Variants in NTN1 observed in about 807,000 individuals in gnomAD.
NTN1 encodes the protein netrin-1.
NTN1 carries 11 observed loss-of-function variants against 54.2 expected under a neutral mutation model. That is an observed-to-expected ratio of 0.20 (90% confidence interval 0.13 to 0.34). NTN1 has a LOEUF of 0.34. Among genes scored for constraint, NTN1 ranks in the 10% least tolerant of loss-of-function variants. The pLI is 1.00. For missense variants in NTN1, 740 were observed against 893.1 expected (o/e 0.83, Z 2.18); for synonymous variants, 371 against 382.0 (o/e 0.97, Z 0.33).
chr17:9,183,485 A>G (rs962404475), intron 5 of NTN1: 15 of 379,898 alleles, frequency 3.9e-5, no homozygotes, highest in African/African-American at 1.9e-4. Flanking sequence ...AGACCGCAGC[A>G]TGCGGCCAAG....
intron 2 of NTN1, among the ~76,000 whole-genome samples, chr17:9,159,570 G>A (rs2092351766): frequency 6.6e-6 from 1 of 152,110 alleles, no homozygotes; most frequent in Admixed American, 6.6e-5. Context: ...GGGAGACCGA[G>A]GTGGGTGGAT....
intron 2 of NTN1, among the ~76,000 whole-genome samples, chr17:9,105,374 G>A (rs1192070091): frequency 1.3e-5 from 2 of 151,778 alleles, no homozygotes; most frequent in Non-Finnish European, 2.9e-5. Context: ...CTGGAGCCTG[G>A]TGTGTGTGTG....
chr17:9,076,144 A>G (rs957505504), intron 2 of NTN1, among the ~76,000 whole-genome samples: 3 of 152,098 alleles, frequency 2.0e-5, no homozygotes, highest in Non-Finnish European at 2.9e-5. Flanking sequence ...GCACAACCCT[A>G]CTGTGTGCCC....
At chr17:9,192,449 C>T (rs1305340381) in intron 5 of NTN1, among the ~76,000 whole-genome samples, 1 of 152,250 alleles carries the variant, frequency 6.6e-6, no homozygotes, top group Non-Finnish European at 1.5e-5. Context: ...GAGCATTTCG[C>T]TTAGTTTCTT....
rs576546301 is a variant in NTN1 at position 9,189,870 on chromosome 17, G to T, written c.1411+6901G>T. 3.8e-4 allele frequency among the ~76,000 whole-genome samples: 58 copies of T among 152,280 alleles called. No individual in the cohort carries two copies. The South Asian group carries it at 0.012, about 31-fold the overall frequency. ...TTGGCTCATGGAGCTGGCATGACCA[G>T]GGCCACAGGTGGTGAGCACTAGAGA... is the stretch of plus-strand genomic sequence containing the variant. On this transcript the variant is annotated intron_variant, in intron 5 of 6. Coordinates refer to ENST00000173229, the MANE Select transcript of NTN1 (RefSeq NM_004822.3).
chr17:9,104,023 A>AG (rs1427702235), intron 2 of NTN1, among the ~76,000 whole-genome samples: 2 of 132,782 alleles, frequency 1.5e-5, no homozygotes, highest in Non-Finnish European at 3.1e-5. Context: ...CAGGAGTCAG[A>AG]GGTTGCAGTG....
In NTN1 at chr17:9,190,381, A is replaced by T. The variant is rs111829724; in HGVS notation, c.1411+7412A>T. 5.6e-3 allele frequency among the ~76,000 whole-genome samples: 858 copies of T among 152,360 alleles called. 9 individuals carry two copies. The highest frequency in any genetic ancestry group is 0.02 in the African/African-American group (827 of 41,586). ...AGTCAAAATCCCAATTACATGAAAC[A>T]CGATTCCTAAATTCAGCCAGAAAAA... On this transcript the variant is annotated intron_variant, in intron 5 of 6. Transcript: ENST00000173229.
At chr17:9,004,002 C>T in the NTN1 span, among the ~76,000 whole-genome samples, 1 of 152,284 alleles carries the variant, frequency 6.6e-6, no homozygotes, top group South Asian at 2.1e-4. Context: ...ACGGGAAAGT[C>T]GGGCGAGAGC....
intron 2 of NTN1, among the ~76,000 whole-genome samples, chr17:9,079,938 C>A (rs1307357399): frequency 2.0e-5 from 3 of 150,644 alleles, no homozygotes; most frequent in African/African-American, 7.4e-5. Context: ...TGGCCTGTTT[C>A]CTGACCACCA....
At chr17:9,133,125 C>T (rs970071836) in intron 2 of NTN1, among the ~76,000 whole-genome samples, 12 of 152,162 alleles carry the variant, frequency 7.9e-5, no homozygotes, top group African/African-American at 2.4e-4. Flanking sequence ...AGCTTCTAAG[C>T]CTGGGCAACT....
At chr17:9,029,163 T>C (rs2091881161) in intron 2 of NTN1, among the ~76,000 whole-genome samples, 1 of 151,582 alleles carries the variant, frequency 6.6e-6, no homozygotes, top group South Asian at 2.1e-4. Context: ...CTGTGGAGTT[T>C]AAAATGTCCG....
the NTN1 span, among the ~76,000 whole-genome samples, chr17:9,006,070 C>A: frequency 2.6e-5 from 4 of 151,744 alleles, no homozygotes; most frequent in Non-Finnish European, 5.9e-5. Flanking sequence ...CCTGCCCCTT[C>A]AGCATGCTGG....
intron 6 of NTN1, among the ~76,000 whole-genome samples, chr17:9,230,679 G>GC (rs1355411927): frequency 4.3e-5 from 2 of 46,428 alleles, no homozygotes; most frequent in South Asian, 6.9e-4. Flanking sequence ...AGGAGGCTCT[G>GC]GGGGGATGCG....
In NTN1 at chr17:9,240,289, GC is replaced by G. The variant is rs1227852619; in HGVS notation, c.*323del. ...CGCTTCCCTGGGCCTGGGCGCGGCC[GC>G]CGTGGAGGGGCTGGGGGCAGCCTGC... On this transcript the variant is annotated 3_prime_UTR_variant, in exon 7 of 7. Coordinates refer to ENST00000173229, the MANE Select transcript of NTN1 (RefSeq NM_004822.3). 1 of 152,976 alleles carries G rather than the reference GC, an allele frequency of 6.5e-6. No homozygotes were observed. The highest frequency in any genetic ancestry group is 1.9e-4 in the East Asian group (1 of 5,194). 9.5% of individuals were successfully genotyped at this position (152,976 alleles called of 1,614,324 possible).
In NTN1 at chr17:9,022,607, C is replaced by T. The variant is rs1220965829; in HGVS notation, c.234C>T (p.Cys78=). The T allele has an allele frequency of 1.3e-6, 2 of 1,550,376 alleles. No homozygotes were observed. Among genetic ancestry groups the T allele is most frequent in the Non-Finnish European group, 1.7e-6 (2 of 1,148,362 alleles). Residue 78 remains cysteine (C), a synonymous_variant, in exon 2 of 7, where the codon TGC becomes TGT. Coordinates refer to ENST00000173229, the MANE Select transcript of NTN1 (RefSeq NM_004822.3). The part of the protein sequence containing the change: ...STCGRPPARY[C]VVSERGEERL... Reference sequence around the variant, plus strand: ...GCGGCCGGCCCCCGGCGCGCTACTGCGTGGTGAGCGAGCGCGGCGAGGAGC... The same window carrying T: ...GCGGCCGGCCCCCGGCGCGCTACTGTGTGGTGAGCGAGCGCGGCGAGGAGC...
intron 2 of NTN1, among the ~76,000 whole-genome samples, chr17:9,099,838 A>G (rs964067166): frequency 3.9e-5 from 6 of 152,244 alleles, no homozygotes; most frequent in Non-Finnish European, 5.9e-5. Context: ...ATTTCAAAAA[A>G]TTAAATCACC....
At chr17:9,053,917 C>T (rs897927935) in intron 2 of NTN1, among the ~76,000 whole-genome samples, 5 of 152,186 alleles carry the variant, frequency 3.3e-5, no homozygotes, top group Admixed American at 2.6e-4. Context: ...ATGCTTCAGC[C>T]ACACCAGGTC....
At chr17:9,057,076 C>T (rs563458399) in intron 2 of NTN1, among the ~76,000 whole-genome samples, 6 of 152,226 alleles carry the variant, frequency 3.9e-5, no homozygotes, top group East Asian at 1.9e-4. Flanking sequence ...AGGCAAAACT[C>T]GGGCTGCTTT....
chr17:9,005,242 C>T, the NTN1 span, among the ~76,000 whole-genome samples: 1 of 152,216 alleles, frequency 6.6e-6, no homozygotes, highest in Admixed American at 6.5e-5. Context: ...TGAAATCACG[C>T]TTTCTAAGAG....
Sources: gnomAD v4.1 joint callset for allele counts (sites outside exome capture counted in the v4.1 genomes callset) on GRCh38, gnomAD v4.1.1 for gene constraint, MANE v1.5 for transcripts, NCBI Gene and HGNC (gene_info 2026-07-23, HGNC 2026-07-21) for gene names.